ULK3: variants seen among roughly 807,000 people sequenced by gnomAD.
The protein encoded by ULK3 is unc-51 like kinase 3.
Under a neutral mutation model 69.4 loss-of-function variants are expected in ULK3, and 54 were observed. The ratio of observed to expected loss-of-function variants is 0.78; its 90% confidence interval spans 0.63 to 0.98. The LOEUF is 0.98. Ranked by LOEUF, ULK3 falls within the 50% of genes least tolerant of loss-of-function variation. ULK3 has a pLI of 0.00. For missense variants in ULK3, 558 were observed against 627.7 expected, an observed-to-expected ratio of 0.89 and a Z score of 1.19; for synonymous variants, 240 against 254.5, an observed-to-expected ratio of 0.94 and a Z score of 0.54.
Position 74,843,133 on chromosome 15 carries a change from T to A in ULK3, c.-28A>T. On this transcript the variant is annotated 5_prime_UTR_variant, in exon 1 of 16. The change creates a new upstream start codon in the 5' untranslated region. Coordinates refer to ENST00000440863, the MANE Select transcript of ULK3 (RefSeq NM_001099436.4). The stretch of plus-strand genomic sequence containing the variant: ...CGGCCGCCTGCGCCCGCGCGGGCGC[T>A]TCCTCGCTGCGGGCGGCGGTTCCGG... 1 of 1,228,684 alleles carries A rather than the reference T, an allele frequency of 8.1e-7. No individual in the cohort carries two copies. Among genetic ancestry groups the A allele is most frequent in the Non-Finnish European group, 1.0e-6 (1 of 975,022 alleles). The allele number at this position is 1,228,684 out of a possible 1,614,324, so 76.1% of individuals were successfully genotyped here.
chr15:74,842,486 CTCTA>C lies in ULK3; in HGVS notation c.103-70_103-67del, dbSNP rs751234214. On this transcript the variant is annotated intron_variant, in intron 1 of 15. Coordinates refer to ENST00000440863, the MANE Select transcript of ULK3 (RefSeq NM_001099436.4). The surrounding 1 kb of genome is among the most constrained non-coding windows in gnomAD (Gnocchi z 4.9). Reference sequence around the variant, plus strand: ...CAGGACCCTTGTCTGACTGGAAAGGCTCTATCTGGTTCCCTCTGTTCCCCCACCC... The same window carrying C: ...CAGGACCCTTGTCTGACTGGAAAGGCTCTGGTTCCCTCTGTTCCCCCACCC... The C allele has an allele frequency of 2.5e-6, 4 of 1,610,802 alleles. No homozygotes were observed. Among genetic ancestry groups the C allele is most frequent in the Non-Finnish European group, 3.4e-6 (4 of 1,179,804 alleles).
At chr15:74,841,935 G>C in intron 3 of ULK3, 140 bp downstream of exon 3, 1 of 1,413,664 alleles carries the variant, frequency 7.1e-7, no homozygotes, top group Non-Finnish European at 9.7e-7. Context: ...GAGTGTATGA[G>C]ATAAACAGGA....
chr15:74,840,161 GAACGAGGTCTA>G, intron 6 of ULK3, 62 bp downstream of exon 6: 1 of 1,515,630 alleles, frequency 6.6e-7, no homozygotes, highest in South Asian at 1.2e-5. Context: ...CTGCAGGTCA[GAACGAGGTCTA>G]AACCCTCAGG....
Position 74,837,684 on chromosome 15 carries a change from G to A in ULK3, c.1335+67C>T, listed in dbSNP as rs1044229667. The A allele has an allele frequency of 2.3e-5, 35 of 1,525,820 alleles. No homozygotes were observed. The South Asian group carries it at 3.0e-4, about 13-fold the overall frequency. 94.5% of individuals were successfully genotyped at this position (1,525,820 alleles called of 1,614,324 possible). ...CAGACATACACCAGCAGGGGGGGAC[G>A]ACAGCCACAAGCAGAGAGCAACAGA... On this transcript the variant is annotated intron_variant, in intron 14 of 15. Transcript: ENST00000440863.
At chr15:74,838,100 G>A (rs1346478940) in intron 13 of ULK3, 52 bp downstream of exon 13, 10 of 1,547,878 alleles carry the variant, frequency 6.5e-6, no homozygotes, top group Non-Finnish European at 8.7e-6. Flanking sequence ...ACAGGTAAGA[G>A]CAGAGAAAGG....
chr15:74,839,324 G>T lies in ULK3; in HGVS notation c.902C>A (p.Ala301Glu), dbSNP rs1463809930. The T allele has an allele frequency of 6.4e-7, 1 of 1,567,460 alleles. No individual in the cohort carries two copies. The highest frequency in any genetic ancestry group is 8.7e-7 in the Non-Finnish European group (1 of 1,155,576). ...CTTGCAGTAGAGTGATAAGGCAGCT[G>T]CTGAATCCCCCTCCTGGTCTTTCTT... is the stretch of plus-strand genomic sequence containing the variant. The part of the protein sequence containing the change: ...AVKKDQEGDS[A>E]AALSLYCKAL... The change falls in exon 8 of 16, where the codon GCA (alanine) becomes GAA (glutamate). Residue 301 changes from alanine to glutamate, a missense_variant. Ala to Glu is a moderately radical substitution (Grantham distance 107, BLOSUM62 -1). Transcript: ENST00000440863.
intron 15 of ULK3, 21 bp from the exon 16 acceptor site, chr15:74,837,265 A>T (rs766161053): frequency 1.4e-5 from 23 of 1,600,822 alleles, no homozygotes; most frequent in Non-Finnish European, 2.0e-5. Flanking sequence ...GAGGGGGACA[A>T]TGGGGGAGGG....
At position 74,839,274 on chromosome 15, in the gene ULK3, G is replaced by A. The variant is rs201131786; in HGVS notation, c.952C>T (p.Leu318=). The A allele has an allele frequency of 1.2e-5, 19 of 1,557,132 alleles. 1 individual carries two copies. In the East Asian group the frequency reaches 4.4e-4, roughly 36 times the overall value. The part of the protein sequence containing the change: ...CKALDFFVPA[L]HYEVDAQRKE... ...GGCATGGCCTGGGACTCACAGTGCA[G>A]GGCAGGTACAAAGAAGTCCAGAGCC... Residue 318 remains leucine, a synonymous_variant, in exon 8 of 16, where the codon CTG becomes TTG. Transcript: ENST00000440863.
Position 74,842,764 on chromosome 15 carries a change from G to A in ULK3, c.102+240C>T. ...TGGCTCCAGTCCCAGACTCCTCCCAGCCCACCAGGTAACCTGTTTTGAGCC... is the reference window on the plus strand; with the variant it reads ...TGGCTCCAGTCCCAGACTCCTCCCAACCCACCAGGTAACCTGTTTTGAGCC... On this transcript the variant is annotated intron_variant, in intron 1 of 15. Coordinates refer to ENST00000440863, the MANE Select transcript of ULK3 (RefSeq NM_001099436.4). The surrounding 1 kb of genome is among the most constrained non-coding windows in gnomAD (Gnocchi z 4.9). 1 of 1,496,584 alleles carries A rather than the reference G, an allele frequency of 6.7e-7. No homozygotes were observed. The allele number at this position is 1,496,584 out of a possible 1,614,324, so 92.7% of individuals were successfully genotyped here.
Position 74,842,001 on chromosome 15 carries a change from C to T in ULK3, c.364+74G>A. The T allele has an allele frequency of 1.9e-6, 3 of 1,603,662 alleles. No homozygotes were observed. The South Asian group carries it at 3.3e-5, about 18-fold the overall frequency. Reference sequence around the variant, plus strand: ...CTGCAATGCGTGCCAAGGCTCTAAGCCTGGGGGAGGGGTGGGATGGTGGGG... The same window carrying T: ...CTGCAATGCGTGCCAAGGCTCTAAGTCTGGGGGAGGGGTGGGATGGTGGGG... On this transcript the variant is annotated intron_variant, in intron 3 of 15. Coordinates refer to ENST00000440863, the MANE Select transcript of ULK3 (RefSeq NM_001099436.4). The surrounding 1 kb of genome is among the most constrained non-coding windows in gnomAD (Gnocchi z 4.9).
chr15:74,839,343 CT>C lies in ULK3; in HGVS notation c.882del (p.Asp295ThrfsTer62). On this transcript the variant is annotated frameshift_variant, in exon 8 of 16. Transcript: ENST00000440863. LOFTEE classifies it high-confidence loss of function. ...GCAGCTGCTGAATCCCCCTCCTGGTCTTTCTTCACAGCCTGCACCACCAGGG... is the reference window on the plus strand; with the variant it reads ...GCAGCTGCTGAATCCCCCTCCTGGTCTTCTTCACAGCCTGCACCACCAGGG... Reference protein sequence around the residue: ...ATALVVQAVKKDQEGDSAAAL... With the variant: ...ATALVVQAVKXDQEGDSAAAL... The C allele has an allele frequency of 1.3e-6, 2 of 1,566,376 alleles. No homozygotes were observed. The highest frequency in any genetic ancestry group is 1.7e-6 in the Non-Finnish European group (2 of 1,155,018).
At position 74,837,408 on chromosome 15, in the gene ULK3, T is replaced by C; in HGVS notation, c.1363A>G (p.Thr455Ala). ...KMRESRWEAD[T>A]LDKEGLSESV... ...TCCGACAGTCCCTCTTTGTCCAGGG[T>C]GTCAGCTTCCCAGCGAGATTCCCTC... The change falls in exon 15 of 16, where the codon ACC becomes GCC. Residue 455 changes from threonine (T) to alanine (A), a missense_variant. By Grantham distance (58) the Thr-to-Ala change is moderately conservative (BLOSUM62 0). Transcript: ENST00000440863. 1 of 1,612,652 alleles carries C rather than the reference T, an allele frequency of 6.2e-7. No homozygotes were observed. The highest frequency in any genetic ancestry group is 8.5e-7 in the Non-Finnish European group (1 of 1,179,452).
chr15:74,841,312 G>A, intron 4 of ULK3, 93 bp downstream of exon 4: 2 of 1,041,764 alleles, frequency 1.9e-6, no homozygotes, highest in Admixed American at 4.2e-5. Context: ...ACTCTATAGA[G>A]GGCTCCATAA....
In ULK3 at chr15:74,842,327, G is replaced by A; in HGVS notation, c.196C>T (p.Leu66Phe). 1 of 1,614,014 alleles carries A rather than the reference G, an allele frequency of 6.2e-7. No homozygotes were observed. The highest frequency in any genetic ancestry group is 1.1e-5 in the South Asian group (1 of 91,092). Residue 66 changes from leucine to phenylalanine, a missense_variant, in exon 2 of 16, where the codon CTC (leucine) becomes TTC (phenylalanine). Coordinates refer to ENST00000440863, the MANE Select transcript of ULK3 (RefSeq NM_001099436.4). The surrounding 1 kb of genome is among the most constrained non-coding windows in gnomAD (Gnocchi z 4.9). ...ATGTGGGGATGTCGAATGCCCTTGA[G>A]GATCTCAATCTCCGTGAGGAGGTTC... The part of the protein sequence containing the change: ...VENLLTEIEI[L>F]KGIRHPHIVQ...
In ULK3 at chr15:74,843,118, C is replaced by A. The variant is rs998442309; in HGVS notation, c.-13G>T. 6.4e-5 allele frequency: 81 copies of A among 1,272,038 alleles called. 1 individual carries two copies. The highest frequency in any genetic ancestry group is 3.0e-4 in the Middle Eastern group (1 of 3,368). 78.8% of individuals were successfully genotyped at this position (1,272,038 alleles called of 1,614,324 possible). A position where few individuals can be genotyped will look rare whatever the true frequency, so the allele number is the denominator to read the frequency against. On this transcript the variant is annotated 5_prime_UTR_variant, in exon 1 of 16. Coordinates refer to ENST00000440863, the MANE Select transcript of ULK3 (RefSeq NM_001099436.4). ...CGGGCCCCGCCATTCCGGCCGCCTG[C>A]GCCCGCGCGGGCGCTTCCTCGCTGC...
At chr15:74,837,513 TGAAG>T in intron 14 of ULK3, 78 bp from the exon 15 acceptor site, 1 of 1,017,654 alleles carries the variant, frequency 9.8e-7, no homozygotes, top group East Asian at 4.2e-5. Context: ...AGTGAGAGAG[TGAAG>T]GACGGGGACA....
intron 3 of ULK3, 146 bp downstream of exon 3, chr15:74,841,929 G>T: frequency 7.4e-7 from 1 of 1,359,660 alleles, no homozygotes; most frequent in Non-Finnish European, 1.0e-6. Flanking sequence ...AGGGTTGAGT[G>T]TATGAGATAA....
chr15:74,838,121 G>GC (rs762365875), intron 13 of ULK3, 31 bp downstream of exon 13: 1 of 1,550,384 alleles, frequency 6.5e-7, no homozygotes, highest in Admixed American at 2.0e-5. Flanking sequence ...GGAAGAGGAA[G>GC]CCCCCCAACC....
chr15:74,837,711 C>T (rs2064072062), intron 14 of ULK3, 40 bp downstream of exon 14: 1 of 1,571,708 alleles, frequency 6.4e-7, no homozygotes, highest in Non-Finnish European at 8.6e-7. Context: ...AGCAACAGAA[C>T]CCACAGACCC....
Sources: gnomAD v4.1 joint callset for allele counts on GRCh38, gnomAD v4.1.1 for gene constraint, Gnocchi (gnomAD v3.1) non-coding constraint, MANE v1.5 for transcripts, NCBI Gene and HGNC (gene_info 2026-07-23, HGNC 2026-07-21) for gene names.